Variants in FBXW7 observed in about 807,000 individuals in gnomAD.
The protein encoded by FBXW7 is F-box and WD repeat domain containing 7, also known as F-box/WD repeat-containing protein 7.
Under a neutral mutation model 86.3 loss-of-function variants are expected in FBXW7, and 11 were observed. That is an observed-to-expected ratio of 0.13 (90% CI 0.08 to 0.21). The LOEUF is 0.21. FBXW7 is among the 10% of genes least tolerant of loss of function. FBXW7 has a pLI of 1.00. For synonymous variants in FBXW7, 313 were observed against 297.9 expected, an observed-to-expected ratio of 1.05 and a Z score of -0.52; for missense variants, 488 against 847.4, an observed-to-expected ratio of 0.58 and a Z score of 5.27.
At chr4:152,469,363 C>T in intron 2 of FBXW7, among the ~76,000 whole-genome samples, 1 of 152,006 alleles carries the variant, frequency 6.6e-6, no homozygotes, top group East Asian at 1.9e-4. Flanking sequence ...GATTGACTCA[C>T]CTACCTTTAC....
chr4:152,375,364 T>A (rs567773998), intron 4 of FBXW7, among the ~76,000 whole-genome samples: 1 of 152,092 alleles, frequency 6.6e-6, no homozygotes, highest in Non-Finnish European at 1.5e-5. Context: ...ATATAAAAAA[T>A]ATGTTGAATC....
chr4:152,463,584 G>A (rs140237228), intron 2 of FBXW7, among the ~76,000 whole-genome samples: 1 of 152,270 alleles, frequency 6.6e-6, no homozygotes, highest in East Asian at 1.9e-4. Context: ...AAAAAAGACA[G>A]ATAAGGAGTT....
At chr4:152,426,134 T>C (rs1320961039) in intron 2 of FBXW7, among the ~76,000 whole-genome samples, 1 of 152,190 alleles carries the variant, frequency 6.6e-6, no homozygotes, top group Non-Finnish European at 1.5e-5. Context: ...CTTAGTTTTC[T>C]CTGAAGCAAT....
intron 2 of FBXW7, among the ~76,000 whole-genome samples, chr4:152,424,045 A>AT (rs774043214): frequency 6.6e-6 from 1 of 151,742 alleles, no homozygotes. Flanking sequence ...CTTTTTTTCC[A>AT]TTTTTTGCAG....
chr4:152,486,918 CATGTT>C (rs978854442), intron 2 of FBXW7, among the ~76,000 whole-genome samples: 4 of 152,096 alleles, frequency 2.6e-5, no homozygotes, highest in African/African-American at 9.7e-5. Context: ...TTAGTCCTAA[CATGTT>C]ATAACAGCTA....
chr4:152,393,572 C>T (rs938129436), intron 4 of FBXW7, among the ~76,000 whole-genome samples: 12 of 152,084 alleles, frequency 7.9e-5, no homozygotes, highest in Admixed American at 3.9e-4. Context: ...GGCAGCATAT[C>T]GGTAAAGTAC....
At chr4:152,323,578 T>C in intron 13 of FBXW7, 1 of 180,992 alleles carries the variant, frequency 5.5e-6, no homozygotes, top group Non-Finnish European at 1.2e-5. Flanking sequence ...ACAAAACCAA[T>C]GAGTAAAAAG....
At chr4:152,332,859 A>G (rs1366874949) in intron 7 of FBXW7, 140 bp from the exon 8 acceptor site, 8 of 274,404 alleles carry the variant, frequency 2.9e-5, no homozygotes, top group African/African-American at 1.6e-4. Flanking sequence ...AAAGGCAGTA[A>G]CTTCAGTCCT....
chr4:152,352,879 C>T, intron 4 of FBXW7: 2 of 1,460,552 alleles, frequency 1.4e-6, no homozygotes, highest in South Asian at 1.5e-5. Flanking sequence ...TTCCCTTGAA[C>T]ACAGAATGGT....
intron 4 of FBXW7, among the ~76,000 whole-genome samples, chr4:152,384,302 T>TAAACA (rs1735344566): frequency 6.6e-6 from 1 of 151,924 alleles, no homozygotes; most frequent in African/African-American, 2.4e-5. Flanking sequence ...AATGAATGAA[T>TAAACA]AAACAAAATG....
intron 4 of FBXW7, among the ~76,000 whole-genome samples, chr4:152,387,104 G>C (rs1735591163): frequency 6.6e-6 from 1 of 152,148 alleles, no homozygotes; most frequent in South Asian, 2.1e-4. Context: ...AAATCACTCA[G>C]AAGATGTAAA....
intron 4 of FBXW7, among the ~76,000 whole-genome samples, chr4:152,362,594 A>G (rs1733074828): frequency 6.6e-6 from 1 of 152,026 alleles, no homozygotes; most frequent in Admixed American, 6.6e-5. Flanking sequence ...GTGGATCATA[A>G]GGTCACGAGT....
intron 2 of FBXW7, among the ~76,000 whole-genome samples, chr4:152,497,675 A>G (rs1447231448): frequency 6.6e-6 from 1 of 152,234 alleles, no homozygotes; most frequent in East Asian, 1.9e-4. Context: ...AAACATGTTA[A>G]TGGGTATAAA....
chr4:152,520,955 G>A (rs1748956489), intron 2 of FBXW7, among the ~76,000 whole-genome samples: 1 of 152,174 alleles, frequency 6.6e-6, no homozygotes, highest in Non-Finnish European at 1.5e-5. Context: ...ACACCTATGG[G>A]CAAGCACAAC....
chr4:152,493,182 A>G (rs1746022668), intron 2 of FBXW7, among the ~76,000 whole-genome samples: 1 of 151,696 alleles, frequency 6.6e-6, no homozygotes. Context: ...TTTTTTTTCC[A>G]GAGACAGACT....
chr4:152,368,315 T>C (rs1234191058), intron 4 of FBXW7, among the ~76,000 whole-genome samples: 1 of 152,018 alleles, frequency 6.6e-6, no homozygotes, highest in African/African-American at 2.4e-5. Flanking sequence ...AATGAAGCAG[T>C]TGTAGCATGA....
intron 4 of FBXW7, among the ~76,000 whole-genome samples, chr4:152,395,925 GATTAAGAAAT>G (rs1736385303): frequency 1.3e-5 from 2 of 152,082 alleles, no homozygotes; most frequent in African/African-American, 4.8e-5. Flanking sequence ...ATATTTTAAA[GATTAAGAAAT>G]ATCATCTGAA....
At chr4:152,413,320 A>G (rs1284819719) in intron 2 of FBXW7, among the ~76,000 whole-genome samples, 4 of 152,158 alleles carry the variant, frequency 2.6e-5, no homozygotes, top group Non-Finnish European at 5.9e-5. Context: ...ACTTGAGTTC[A>G]GTAAAATAAA....
chr4:152,343,464 TTTAATG>T (rs936711610), intron 6 of FBXW7, among the ~76,000 whole-genome samples: 10 of 152,186 alleles, frequency 6.6e-5, no homozygotes, highest in African/African-American at 1.9e-4. Context: ...TTGACAACTT[TTTAATG>T]TTATGTGTTT....
Sources: allele counts gnomAD v4.1 joint callset (sites outside exome capture counted in the v4.1 genomes callset), GRCh38; gene constraint gnomAD v4.1.1; transcripts MANE v1.5; gene names NCBI Gene and HGNC (gene_info 2026-07-23, HGNC 2026-07-21).